Variants in WDR37 observed in about 807,000 individuals in gnomAD.
WDR37 encodes the protein WD repeat domain 37.
In WDR37, 19 loss-of-function variants were observed where a neutral mutation model predicts 62.9. The observed-to-expected ratio is 0.30, with a 90% CI of 0.21 to 0.44. The LOEUF (loss-of-function observed/expected upper bound fraction) is 0.44. Among genes scored for constraint, WDR37 ranks in the 20% least tolerant of loss-of-function variants. The pLI is 1.00. For missense variants in WDR37, 474 were observed against 657.6 expected (o/e 0.72, Z 3.05); for synonymous variants, 250 against 260.9 (o/e 0.96, Z 0.40).
intron 13 of WDR37, among the ~76,000 whole-genome samples, chr10:1,126,665 G>A (rs1835793128): frequency 6.6e-6 from 1 of 152,214 alleles, no homozygotes; most frequent in Non-Finnish European, 1.5e-5. Flanking sequence ...TGGCTCGTGG[G>A]CCGCAGCTGC....
intron 5 of WDR37, 58 bp downstream of exon 5, chr10:1,080,534 A>G (rs570266194): frequency 6.4e-7 from 1 of 1,554,616 alleles, no homozygotes; most frequent in African/African-American, 1.4e-5. Flanking sequence ...GCAGATGTGT[A>G]CTTTAAGTTG....
intron 1 of WDR37, among the ~76,000 whole-genome samples, chr10:1,067,235 A>G (rs994848177): frequency 2.6e-5 from 4 of 152,228 alleles, no homozygotes; most frequent in South Asian, 4.1e-4. Flanking sequence ...TTGGATACAC[A>G]GGTGAAAACA....
intron 9 of WDR37, among the ~76,000 whole-genome samples, chr10:1,101,143 T>C (rs1834784560): frequency 6.6e-6 from 1 of 152,314 alleles, no homozygotes; most frequent in East Asian, 1.9e-4. Context: ...CAGGCCGCCC[T>C]CCCTGCACTT....
intron 1 of WDR37, among the ~76,000 whole-genome samples, chr10:1,071,451 A>G (rs970579110): frequency 3.9e-5 from 6 of 152,232 alleles, no homozygotes; most frequent in Admixed American, 1.3e-4. Flanking sequence ...ATTGGGAGGA[A>G]GGATGGATAA....
chr10:1,112,987 T>G (rs763469953), intron 11 of WDR37, among the ~76,000 whole-genome samples: 2 of 152,230 alleles, frequency 1.3e-5, no homozygotes, highest in Non-Finnish European at 2.9e-5. Context: ...AATAACAGAT[T>G]TTCAGTGTAG....
chr10:1,111,951 G>C (rs1328326033), intron 11 of WDR37, among the ~76,000 whole-genome samples: 1 of 151,890 alleles, frequency 6.6e-6, no homozygotes, highest in African/African-American at 2.4e-5. Flanking sequence ...GCCCAGGCTG[G>C]AGTGCAGTGG....
chr10:1,103,124 C>A lies in WDR37; in HGVS notation c.727-478C>A, dbSNP rs1207586569. On this transcript the variant is annotated intron_variant, in intron 9 of 13. Coordinates refer to ENST00000263150, the MANE Select transcript of WDR37 (RefSeq NM_014023.4). This position sits in a 1 kb window ranked among gnomAD's most constrained non-coding sequence, Gnocchi z 6.3. ...GCCTTTGACAGGGGGCTTGATGTTA[C>A]AAAGGAAAATAGACTCTTATGACTA... Among the ~76,000 whole-genome samples, 1 of 152,098 alleles carries A rather than the reference C, an allele frequency of 6.6e-6. No individual in the cohort carries two copies. The highest frequency in any genetic ancestry group is 2.4e-5 in the African/African-American group (1 of 41,402).
At chr10:1,075,273 C>CTTTTTTTT (rs61550443) in intron 2 of WDR37, among the ~76,000 whole-genome samples, 1 of 139,284 alleles carries the variant, frequency 7.2e-6, no homozygotes, top group Non-Finnish European at 1.6e-5. Context: ...ATAGCAATTC[C>CTTTTTTTT]TTTTTTTTTT....
rs1174699526 is a variant in WDR37, at chr10:1,064,985, G to C, written c.-40-7131G>C. ...CTGAAGGAAAAGGACTATCAACTCA[G>C]AATTTTATATCAAGTGAAAACTTCC... On this transcript the variant is annotated intron_variant, in intron 1 of 13. Coordinates refer to ENST00000263150, the MANE Select transcript of WDR37 (RefSeq NM_014023.4). 2.0e-5 allele frequency among the ~76,000 whole-genome samples: 3 copies of C among 152,054 alleles called. No individual in the cohort carries two copies. The East Asian group carries it at 5.8e-4, about 29-fold the overall frequency.
At chr10:1,066,324 G>A (rs1181633831) in intron 1 of WDR37, among the ~76,000 whole-genome samples, 1 of 152,154 alleles carries the variant, frequency 6.6e-6, no homozygotes, top group Non-Finnish European at 1.5e-5. Context: ...CACCGTGTTA[G>A]CTAGGATGGT....
At chr10:1,082,359 T>G (rs1834054294) in intron 5 of WDR37, among the ~76,000 whole-genome samples, 1 of 152,186 alleles carries the variant, frequency 6.6e-6, no homozygotes, top group Middle Eastern at 3.2e-3. Context: ...GGGTGGCTAA[T>G]GAGATTTCTG....
rs534874802 is a variant in WDR37 at position 1,121,468 on chromosome 10, T to C, written c.1104-2750T>C. 2.6e-4 allele frequency among the ~76,000 whole-genome samples: 39 copies of C among 152,286 alleles called. No homozygotes were observed. The highest frequency in any genetic ancestry group is 2.4e-3 in the Admixed American group (36 of 15,306). On this transcript the variant is annotated intron_variant, in intron 11 of 13. Transcript: ENST00000263150. The surrounding 1 kb of genome is among the most constrained non-coding windows in gnomAD (Gnocchi z 4.5). ...GTCAAGCTCTCATGTTGTTCTTTAT[T>C]TTTTTAGATGAAGACTCTGGAGGAG...
chr10:1,087,117 C>A (rs534904943), intron 7 of WDR37, among the ~76,000 whole-genome samples: 2 of 152,162 alleles, frequency 1.3e-5, no homozygotes, highest in Non-Finnish European at 2.9e-5. Flanking sequence ...TTCCCAGGAC[C>A]TCCTCTCCTT....
intron 1 of WDR37, among the ~76,000 whole-genome samples, chr10:1,067,180 G>T (rs887680548): frequency 1.3e-5 from 2 of 152,178 alleles, no homozygotes; most frequent in African/African-American, 4.8e-5. Context: ...GTCCAAAGCA[G>T]TTCAATCTAG....
At chr10:1,115,940 C>T (rs1273257456) in intron 11 of WDR37, among the ~76,000 whole-genome samples, 4 of 152,152 alleles carry the variant, frequency 2.6e-5, no homozygotes, top group African/African-American at 4.8e-5. Context: ...AGTGTTACAT[C>T]CCCTACCCAT....
chr10:1,077,018 G>T (rs1000045348), intron 2 of WDR37, among the ~76,000 whole-genome samples: 1 of 151,824 alleles, frequency 6.6e-6, no homozygotes. Flanking sequence ...AAAAAAAAAG[G>T]TAAGTATTGA....
At chr10:1,094,865 G>A (rs1834516831) in intron 8 of WDR37, among the ~76,000 whole-genome samples, 1 of 151,968 alleles carries the variant, frequency 6.6e-6, no homozygotes, top group Non-Finnish European at 1.5e-5. Context: ...GTGAGATAAT[G>A]GGGATAGAGA....
At chr10:1,126,073 C>G (rs933501942) in intron 13 of WDR37, among the ~76,000 whole-genome samples, 1 of 152,168 alleles carries the variant, frequency 6.6e-6, no homozygotes, top group Non-Finnish European at 1.5e-5. Flanking sequence ...TGGCTCTCCC[C>G]TGGGAGGTCA....
At chr10:1,111,729 CTGTT>C (rs745391402) in intron 11 of WDR37, among the ~76,000 whole-genome samples, 2 of 152,180 alleles carry the variant, frequency 1.3e-5, no homozygotes, top group Non-Finnish European at 2.9e-5. Context: ...TTTTATTTGA[CTGTT>C]TGTTAGTGAC....
Sources: gnomAD v4.1 joint callset for allele counts (sites outside exome capture counted in the v4.1 genomes callset) on GRCh38, gnomAD v4.1.1 for gene constraint, Gnocchi (gnomAD v3.1) non-coding constraint, MANE v1.5 for transcripts, NCBI Gene and HGNC (gene_info 2026-07-23, HGNC 2026-07-21) for gene names.